The following CNNM1 variants were observed in gnomAD, a reference collection of about 807,000 sequenced individuals.
CNNM1 encodes cyclin and CBS domain divalent metal cation transport mediator 1.
In CNNM1, 44 loss-of-function variants were observed where a neutral mutation model predicts 78.8. The observed-to-expected ratio is 0.56, with a 90% CI of 0.44 to 0.72. The LOEUF (loss-of-function observed/expected upper bound fraction) is 0.72. Ranked by LOEUF, CNNM1 falls within the 30% of genes least tolerant of loss-of-function variation. CNNM1 has a pLI of 0.00. For missense variants in CNNM1, 1,101 were observed against 1,292.2 expected, an observed-to-expected ratio of 0.85 and a Z score of 2.27; for synonymous variants, 584 against 581.5, an observed-to-expected ratio of 1.00 and a Z score of -0.06.
intron 7 of CNNM1, among the ~76,000 whole-genome samples, chr10:99,381,719 G>A (rs371069760): frequency 1.4e-4 from 21 of 151,374 alleles, no homozygotes; most frequent in East Asian, 1.4e-3. Flanking sequence ...CTCCAGCCTG[G>A]GCGACAAGAG....
rs139737715 is a variant in CNNM1, at chr10:99,382,680, T to C, written c.2341-5140T>C. 3.4e-3 allele frequency among the ~76,000 whole-genome samples: 511 copies of C among 152,274 alleles called. 1 individual carries two copies. Among genetic ancestry groups the C allele is most frequent in the Non-Finnish European group, 5.3e-3 (359 of 68,020 alleles). On this transcript the variant is annotated intron_variant, in intron 7 of 10. Transcript: ENST00000356713. ...TACTTGGGAGGCTGAGGCAGGAAGA[T>C]TGCTTAAACCCAGGAGTTCAAGGTT...
chr10:99,364,419 T>C lies in CNNM1; in HGVS notation c.2031T>C (p.Gly677=). 2 of 1,599,642 alleles carry C rather than the reference T, an allele frequency of 1.3e-6. No homozygotes were observed. The part of the protein sequence containing the change: ...PVDYFVLLLQ[G]KVEVEVGKEG... ...CACTTCCTTTTTTTTTTTTCCAGGG[T>C]AAAGTGGAGGTGGAGGTTGGTAAGG... The change falls in exon 5 of 11, where the codon GGT becomes GGC. Residue 677 remains glycine, a splice_region_variant and synonymous_variant. Transcript: ENST00000356713.
At chr10:99,334,862 A>T (rs2030102593) in intron 1 of CNNM1, among the ~76,000 whole-genome samples, 1 of 152,110 alleles carries the variant, frequency 6.6e-6, no homozygotes, top group South Asian at 2.1e-4. Flanking sequence ...CCCTTTACAT[A>T]CTCAGAACAA....
Position 99,387,855 on chromosome 10 carries a change from C to G in CNNM1, c.2376C>G (p.Ala792=), listed in dbSNP as rs376952696. 70 of 1,611,246 alleles carry G rather than the reference C, an allele frequency of 4.3e-5. No individual in the cohort carries two copies. The highest frequency in any genetic ancestry group is 5.9e-5 in the Non-Finnish European group (69 of 1,178,638). Residue 792 remains alanine, a synonymous_variant, in exon 8 of 11, where the codon GCC becomes GCG. Coordinates refer to ENST00000356713, the MANE Select transcript of CNNM1 (RefSeq NM_020348.3). The stretch of plus-strand genomic sequence containing the variant: ...AGCAATATCAGAACGCACTCACTGC[C>G]TGCCACATGGACAGCTCACCTCAGT... ...TRQQYQNALT[A]CHMDSSPQSP...
At chr10:99,349,624 G>T (rs2030854019) in intron 1 of CNNM1, among the ~76,000 whole-genome samples, 1 of 152,132 alleles carries the variant, frequency 6.6e-6, no homozygotes, top group Admixed American at 6.6e-5. Context: ...TCCAATCCAA[G>T]GACCACACTT....
At chr10:99,373,067 A>G (rs941954022) in intron 6 of CNNM1, among the ~76,000 whole-genome samples, 4 of 152,174 alleles carry the variant, frequency 2.6e-5, no homozygotes, top group Non-Finnish European at 4.4e-5. Flanking sequence ...CAGTGAAATG[A>G]TGAGAGCTTT....
At chr10:99,369,518 A>T (rs2031733507) in intron 6 of CNNM1, among the ~76,000 whole-genome samples, 2 of 152,026 alleles carry the variant, frequency 1.3e-5, no homozygotes, top group Admixed American at 1.3e-4. Context: ...TATATAGTAG[A>T]CCCTCAACAT....
At position 99,330,144 on chromosome 10, in the gene CNNM1, G is replaced by A; in HGVS notation, c.757G>A (p.Glu253Lys). 6.5e-7 allele frequency: 1 copy of A among 1,545,602 alleles called. No homozygotes were observed. The highest frequency in any genetic ancestry group is 8.7e-7 in the Non-Finnish European group (1 of 1,152,204). The change falls in exon 1 of 11, where the codon GAG becomes AAG. Residue 253 changes from glutamate (E) to lysine (K), a missense_variant. By Grantham distance (56) the Glu-to-Lys change is moderately conservative. Transcript: ENST00000356713. Reference protein sequence around the residue: ...RLSLLSLDPVELRVLRNSGSA... With the variant: ...RLSLLSLDPVKLRVLRNSGSA... Reference sequence around the variant, plus strand: ...GAGCCTGCTGTCGCTGGACCCGGTGGAGTTACGGGTGCTGCGGAACAGCGG... The same window carrying A: ...GAGCCTGCTGTCGCTGGACCCGGTGAAGTTACGGGTGCTGCGGAACAGCGG...
chr10:99,367,019 A>T (rs1158938024), intron 6 of CNNM1, among the ~76,000 whole-genome samples: 2 of 152,182 alleles, frequency 1.3e-5, no homozygotes, highest in African/African-American at 2.4e-5. Flanking sequence ...AAGAAATATT[A>T]TTAGCCAATG....
rs761978113 is a variant in CNNM1, at chr10:99,330,816, G to T, written c.1429G>T (p.Asp477Tyr). The T allele has an allele frequency of 6.2e-7, 1 of 1,614,160 alleles. No individual in the cohort carries two copies. The highest frequency in any genetic ancestry group is 8.5e-7 in the Non-Finnish European group (1 of 1,180,036). The part of the protein sequence containing the change: ...YEGDQRHNIV[D>Y]ILFVKDLAFV... ...GGGTGACCAGCGGCACAACATTGTG[G>T]ACATTTTATTTGTCAAGGACTTGGC... The change falls in exon 1 of 11, where the codon GAC (aspartate) becomes TAC (tyrosine). Residue 477 changes from aspartate to tyrosine, a missense_variant. This residue lies in a region of CNNM1 where 277 missense variants were observed against 423.2 expected (regional missense o/e 0.65). Coordinates refer to ENST00000356713, the MANE Select transcript of CNNM1 (RefSeq NM_020348.3).
chr10:99,358,071 C>T (rs1425587149), intron 2 of CNNM1, among the ~76,000 whole-genome samples: 1 of 152,192 alleles, frequency 6.6e-6, no homozygotes, highest in East Asian at 1.9e-4. Context: ...ATCAGAACAT[C>T]GCAGTGAGCA....
intron 1 of CNNM1, among the ~76,000 whole-genome samples, chr10:99,354,295 A>T (rs17568478): frequency 0.019 from 2,894 of 152,300 alleles, 48 homozygotes; most frequent in Non-Finnish European, 0.029. Flanking sequence ...ACTGGGTAGG[A>T]TGTAGTTGTT....
At chr10:99,383,410 A>T (rs1052728909) in intron 7 of CNNM1, among the ~76,000 whole-genome samples, 3 of 152,086 alleles carry the variant, frequency 2.0e-5, no homozygotes, top group Admixed American at 2.0e-4. Flanking sequence ...AGTAGTCAGG[A>T]TTACAGGCAT....
In CNNM1 at chr10:99,338,872, A is replaced by G. The variant is rs1483285716; in HGVS notation, c.1573+7912A>G. Among the ~76,000 whole-genome samples the G allele has an allele frequency of 2.0e-4, 30 of 152,170 alleles. 1 individual carries two copies. Reference sequence around the variant, plus strand: ...AAGAGTGATTTTCTTATAGGGTGGTATTTTTGCTATAGTTTCCTCAGGGTT... The same window carrying G: ...AAGAGTGATTTTCTTATAGGGTGGTGTTTTTGCTATAGTTTCCTCAGGGTT... On this transcript the variant is annotated intron_variant, in intron 1 of 10. Coordinates refer to ENST00000356713, the MANE Select transcript of CNNM1 (RefSeq NM_020348.3).
At chr10:99,341,871 AT>A (rs1194425237) in intron 1 of CNNM1, among the ~76,000 whole-genome samples, 1 of 152,212 alleles carries the variant, frequency 6.6e-6, no homozygotes, top group Admixed American at 6.5e-5. Flanking sequence ...TTTTATACCC[AT>A]TCCTGCCTTT....
intron 9 of CNNM1, 133 bp downstream of exon 9, chr10:99,388,434 C>A: frequency 1.0e-6 from 1 of 994,732 alleles, no homozygotes; most frequent in Non-Finnish European, 1.4e-6. Flanking sequence ...CCTCCTTACA[C>A]AGCCAGGGAA....
chr10:99,382,883 C>T (rs1160087785), intron 7 of CNNM1, among the ~76,000 whole-genome samples: 1 of 152,230 alleles, frequency 6.6e-6, no homozygotes, highest in African/African-American at 2.4e-5. Flanking sequence ...TCAGAATAAA[C>T]AGACCTCCGC....
In CNNM1 at chr10:99,387,817, C is replaced by T; in HGVS notation, c.2341-3C>T. On this transcript the variant is annotated splice_polypyrimidine_tract_variant and splice_region_variant and intron_variant, in intron 7 of 10. Transcript: ENST00000356713. Reference sequence around the variant, plus strand: ...TCCTAAGCTCCTGCCCTCTTCCTTCCAGATCACACGGCAGCAATATCAGAA... The same window carrying T: ...TCCTAAGCTCCTGCCCTCTTCCTTCTAGATCACACGGCAGCAATATCAGAA... 1 of 1,590,722 alleles carries T rather than the reference C, an allele frequency of 6.3e-7. No homozygotes were observed. The highest frequency in any genetic ancestry group is 8.6e-7 in the Non-Finnish European group (1 of 1,168,640).
chr10:99,371,959 G>T (rs762373138), intron 6 of CNNM1, among the ~76,000 whole-genome samples: 17 of 152,146 alleles, frequency 1.1e-4, no homozygotes, highest in Non-Finnish European at 1.8e-4. Flanking sequence ...AAAGATGTAG[G>T]CAGGCAACCC....
Sources: gnomAD v4.1 joint callset for allele counts (sites outside exome capture counted in the v4.1 genomes callset) on GRCh38, gnomAD v4.1.1 for gene constraint, gnomAD v4.1.1 regional missense constraint, MANE v1.5 for transcripts, NCBI Gene and HGNC (gene_info 2026-07-23, HGNC 2026-07-21) for gene names.